The following SLC25A21 variants were observed in gnomAD, a reference collection of about 807,000 sequenced individuals.
SLC25A21 encodes mitochondrial 2-oxodicarboxylate carrier.
In SLC25A21, 47 loss-of-function variants were observed where a neutral mutation model predicts 43.8. That is an observed-to-expected ratio of 1.07 (90% CI 0.85 to 1.37). The LOEUF (loss-of-function observed/expected upper bound fraction) is 1.37. SLC25A21 is among the 40% of genes most tolerant of loss of function. The pLI, the probability that SLC25A21 is intolerant of heterozygous loss-of-function variation, is 0.00. For synonymous variants in SLC25A21, 131 were observed against 121.3 expected, an observed-to-expected ratio of 1.08 and a Z score of -0.52; for missense variants, 352 against 350.2, an observed-to-expected ratio of 1.00 and a Z score of -0.04.
chr14:36,705,885 T>G (rs1316117846), intron 7 of SLC25A21, among the ~76,000 whole-genome samples: 1 of 152,196 alleles, frequency 6.6e-6, no homozygotes, highest in Non-Finnish European at 1.5e-5. Flanking sequence ...AGAGACAGCC[T>G]ACAGCAAAGA....
At chr14:36,961,602 C>A (rs1959494944) in intron 1 of SLC25A21, among the ~76,000 whole-genome samples, 1 of 152,168 alleles carries the variant, frequency 6.6e-6, no homozygotes, top group African/African-American at 2.4e-5. Flanking sequence ...TAGCCTCAGT[C>A]TTGTCCATTC....
At chr14:36,681,151 A>C (rs1882236403) in intron 9 of SLC25A21, among the ~76,000 whole-genome samples, 1 of 152,190 alleles carries the variant, frequency 6.6e-6, no homozygotes, top group African/African-American at 2.4e-5. Context: ...AATCTCTAAG[A>C]TGGTGCTTGA....
intron 1 of SLC25A21, among the ~76,000 whole-genome samples, chr14:36,999,311 T>C (rs577351984): frequency 2.0e-5 from 3 of 152,312 alleles, no homozygotes; most frequent in African/African-American, 4.8e-5. Flanking sequence ...TCTAATCATA[T>C]AGCATTTTGT....
chr14:36,786,308 T>A (rs1020425444), intron 3 of SLC25A21, among the ~76,000 whole-genome samples: 1 of 152,242 alleles, frequency 6.6e-6, no homozygotes, highest in South Asian at 2.1e-4. Context: ...GCCTCTATAC[T>A]GTTCTTCAAA....
At chr14:37,075,326 CATAA>C (rs888952958) in intron 1 of SLC25A21, among the ~76,000 whole-genome samples, 5 of 152,106 alleles carry the variant, frequency 3.3e-5, no homozygotes, top group African/African-American at 9.7e-5. Context: ...GAAGCTGAAG[CATAA>C]ATAACAGAAA....
Position 36,678,485 on chromosome 14 carries a change from C to G in SLC25A21, c.*2173G>C. On this transcript the variant is annotated 3_prime_UTR_variant, in exon 10 of 10. Transcript: ENST00000331299. ...TCCATTGACATCTGGAGTTCCCAGTCTGGTGAGAAAATAGACTATAAACTG... is the reference window on the plus strand; with the variant it reads ...TCCATTGACATCTGGAGTTCCCAGTGTGGTGAGAAAATAGACTATAAACTG... The G allele has an allele frequency of 6.5e-7, 1 of 1,536,886 alleles. No homozygotes were observed. Among genetic ancestry groups the G allele is most frequent in the East Asian group, 2.4e-5 (1 of 40,896 alleles).
At chr14:36,902,542 G>A (rs575313880) in intron 1 of SLC25A21, among the ~76,000 whole-genome samples, 6 of 152,092 alleles carry the variant, frequency 3.9e-5, no homozygotes, top group African/African-American at 7.2e-5. Context: ...ACCTGTGGTC[G>A]GATTTTGGAA....
At chr14:37,086,637 G>A (rs905287933) in intron 1 of SLC25A21, among the ~76,000 whole-genome samples, 1 of 152,092 alleles carries the variant, frequency 6.6e-6, no homozygotes, top group Non-Finnish European at 1.5e-5. Flanking sequence ...CATGACACTG[G>A]CCAAGTTACT....
chr14:36,986,589 A>G (rs1314806331), intron 1 of SLC25A21, among the ~76,000 whole-genome samples: 1 of 152,148 alleles, frequency 6.6e-6, no homozygotes, highest in Non-Finnish European at 1.5e-5. Context: ...CTCCTCCTAC[A>G]GAGGATCTTA....
In SLC25A21 at chr14:36,678,189, G is replaced by T; in HGVS notation, c.*2469C>A. On this transcript the variant is annotated 3_prime_UTR_variant, in exon 10 of 10. Coordinates refer to ENST00000331299, the MANE Select transcript of SLC25A21 (RefSeq NM_030631.4). ...AATGCGGTTCCACCACATCGGTTTC[G>T]TGGCTTCGTTTAAAACTCAGATGGC... 1 of 451,046 alleles carries T rather than the reference G, an allele frequency of 2.2e-6. No individual in the cohort carries two copies. Among genetic ancestry groups the T allele is most frequent in the Non-Finnish European group, 4.0e-6 (1 of 249,120 alleles). 27.9% of individuals were successfully genotyped at this position (451,046 alleles called of 1,614,324 possible). A position where few individuals can be genotyped will look rare whatever the true frequency, so the allele number is the denominator to read the frequency against.
intron 1 of SLC25A21, among the ~76,000 whole-genome samples, chr14:37,053,009 A>T (rs77919855): frequency 0.014 from 2,184 of 152,320 alleles, 15 homozygotes; most frequent in Non-Finnish European, 0.022. Flanking sequence ...GATTTTTGAC[A>T]GCTTTATTGA....
Position 37,143,524 on chromosome 14 carries a change from G to A in SLC25A21, c.70+28757C>T, listed in dbSNP as rs1196404795. Among the ~76,000 whole-genome samples the A allele has an allele frequency of 1.4e-4, 22 of 152,252 alleles. 1 individual carries two copies. The East Asian group carries it at 3.1e-3, about 21-fold the overall frequency. On this transcript the variant is annotated intron_variant, in intron 1 of 9. Coordinates refer to ENST00000331299, the MANE Select transcript of SLC25A21 (RefSeq NM_030631.4). ...AGAGTAACATAATAATAATGTCAGC[G>A]TGTAAACAATAAAACAGCTGCTTAA...
intron 1 of SLC25A21, among the ~76,000 whole-genome samples, chr14:37,102,438 CAAA>C (rs201756864): frequency 4.0e-5 from 5 of 123,914 alleles, no homozygotes; most frequent in African/African-American, 3.0e-5. Context: ...GACCTTGTCT[CAAA>C]AAAAAAAAAA....
chr14:36,888,460 C>A (rs536361756), intron 1 of SLC25A21, among the ~76,000 whole-genome samples: 3 of 151,858 alleles, frequency 2.0e-5, no homozygotes, highest in Non-Finnish European at 4.4e-5. Context: ...TTATGTTGAC[C>A]ACATAGAAAT....
At chr14:37,172,056 C>G (rs745384691) in intron 1 of SLC25A21, 30 of 545,962 alleles carry the variant, frequency 5.5e-5, no homozygotes, top group Non-Finnish European at 7.8e-5. Flanking sequence ...CGAGAGCGGC[C>G]GGCGCGGACG....
intron 1 of SLC25A21, among the ~76,000 whole-genome samples, chr14:36,883,766 C>G (rs1184960724): frequency 1.3e-5 from 2 of 152,042 alleles, no homozygotes; most frequent in African/African-American, 4.8e-5. Flanking sequence ...AAAGGAACTT[C>G]CAATCCAAAG....
chr14:37,025,122 T>G (rs1201393349), intron 1 of SLC25A21, among the ~76,000 whole-genome samples: 1 of 152,098 alleles, frequency 6.6e-6, no homozygotes, highest in South Asian at 2.1e-4. Context: ...GAGTTAGAGC[T>G]ACACTACCGT....
intron 1 of SLC25A21, among the ~76,000 whole-genome samples, chr14:36,997,299 A>C (rs1048408549): frequency 6.6e-6 from 1 of 152,152 alleles, no homozygotes; most frequent in Admixed American, 6.5e-5. Flanking sequence ...CCGCGGAGCT[A>C]TACTCTAAAG....
intron 2 of SLC25A21, among the ~76,000 whole-genome samples, chr14:36,836,670 T>C (rs546896037): frequency 1.3e-5 from 2 of 152,270 alleles, no homozygotes; most frequent in South Asian, 4.1e-4. Flanking sequence ...GAGGTAGGCA[T>C]CAGGGTACCT....
Sources: allele counts gnomAD v4.1 joint callset (sites outside exome capture counted in the v4.1 genomes callset), GRCh38; gene constraint gnomAD v4.1.1; transcripts MANE v1.5; gene names NCBI Gene and HGNC (gene_info 2026-07-23, HGNC 2026-07-21).